The following ADAM18 variants were observed in gnomAD, a reference collection of about 807,000 sequenced individuals.
The protein encoded by ADAM18 is disintegrin and metalloproteinase domain-containing protein 18.
A neutral mutation model predicts 94.4 loss-of-function variants in ADAM18; 117 were observed. The ratio of observed to expected loss-of-function variants is 1.24; its 90% confidence interval spans 1.07 to 1.45. ADAM18 has a LOEUF of 1.45. Ranked by LOEUF, ADAM18 falls within the 40% of genes most tolerant of loss-of-function variation. The probability of loss-of-function intolerance (pLI) is 0.00; values close to 1 mark genes in which losing one functional copy is unlikely to be tolerated. For synonymous variants in ADAM18, 327 were observed against 291.6 expected, an observed-to-expected ratio of 1.12 and a Z score of -1.24; for missense variants, 936 against 880.0, an observed-to-expected ratio of 1.06 and a Z score of -0.81.
At chr8:39,592,753 C>G (rs1372057117) in intron 2 of ADAM18, among the ~76,000 whole-genome samples, 2 of 152,152 alleles carry the variant, frequency 1.3e-5, no homozygotes, top group African/African-American at 4.8e-5. Context: ...GATGGGTACA[C>G]TAGAAGCCCA....
At chr8:39,719,294 A>T (rs1342270732) in intron 18 of ADAM18, among the ~76,000 whole-genome samples, 1 of 151,444 alleles carries the variant, frequency 6.6e-6, no homozygotes, top group African/African-American at 2.4e-5. Flanking sequence ...TGTAAAAAAG[A>T]TAAACTTAGA....
intron 14 of ADAM18, among the ~76,000 whole-genome samples, chr8:39,675,665 T>C (rs1328889363): frequency 6.6e-6 from 1 of 152,236 alleles, no homozygotes; most frequent in Non-Finnish European, 1.5e-5. Flanking sequence ...TTTGTTCCGT[T>C]GCTGGCGAGG....
rs771066100 is a variant in ADAM18 at position 39,637,300 on chromosome 8, C to CA, written c.631dup (p.Ile211AsnfsTer30). On this transcript the variant is annotated frameshift_variant, in exon 8 of 20. Coordinates refer to ENST00000265707, the MANE Select transcript of ADAM18 (RefSeq NM_014237.3). LOFTEE classifies it high-confidence loss of function. Reference sequence around the variant, plus strand: ...GGGATCTGAAATGATGGCTGTAACACAAAAAATTGTCCAGGTTATTGGGCT... The same window carrying CA: ...GGGATCTGAAATGATGGCTGTAACACAAAAAAATTGTCCAGGTTATTGGGCT... 10 of 1,606,016 alleles carry CA rather than the reference C, an allele frequency of 6.2e-6. No homozygotes were observed. Among genetic ancestry groups the CA allele is most frequent in the Non-Finnish European group, 6.8e-6 (8 of 1,176,084 alleles).
intron 10 of ADAM18, among the ~76,000 whole-genome samples, chr8:39,641,100 A>G (rs562635477): frequency 6.6e-6 from 1 of 152,198 alleles, no homozygotes; most frequent in South Asian, 2.1e-4. Context: ...TATGTCCCAA[A>G]TGGTACTGCA....
intron 4 of ADAM18, among the ~76,000 whole-genome samples, 182 bp from the exon 5 acceptor site, chr8:39,609,303 C>T (rs886543252): frequency 1.2e-4 from 18 of 152,074 alleles, no homozygotes; most frequent in African/African-American, 4.1e-4. Flanking sequence ...CAGGGACTCT[C>T]TTGTGCCTGT....
chr8:39,712,025 A>G (rs1363977479), intron 18 of ADAM18, among the ~76,000 whole-genome samples: 2 of 136,052 alleles, frequency 1.5e-5, no homozygotes, highest in Non-Finnish European at 3.1e-5. Flanking sequence ...AACTAAAATC[A>G]GAGAAGGCCC....
At chr8:39,638,590 T>C in intron 10 of ADAM18, 44 bp downstream of exon 10, 2 of 1,188,102 alleles carry the variant, frequency 1.7e-6, no homozygotes, top group Non-Finnish European at 2.3e-6. Context: ...TTTTAGGCCT[T>C]ATATTATATT....
chr8:39,667,998 T>G lies in ADAM18; in HGVS notation c.1327T>G (p.Leu443Val), dbSNP rs369534486. 13 of 1,613,386 alleles carry G rather than the reference T, an allele frequency of 8.1e-6. No homozygotes were observed. Among genetic ancestry groups the G allele is most frequent in the Non-Finnish European group, 1.1e-5 (13 of 1,179,656 alleles). Residue 443 changes from leucine (L) to valine (V), a missense_variant and splice_region_variant, in exon 14 of 20, where the codon TTG (leucine) becomes GTG (valine). Transcript: ENST00000265707. ...SGPCCTSKCE[L>V]SIAGTPCRKS... Reference sequence around the variant, plus strand: ...ATTTTATTTTTCCTTTTCCTCCCAGTTGTCAATAGCAGGCACTCCATGTAG... The same window carrying G: ...ATTTTATTTTTCCTTTTCCTCCCAGGTGTCAATAGCAGGCACTCCATGTAG...
intron 12 of ADAM18, among the ~76,000 whole-genome samples, chr8:39,660,381 T>C (rs1419097818): frequency 6.6e-6 from 1 of 152,138 alleles, no homozygotes; most frequent in African/African-American, 2.4e-5. Context: ...AGGACCCACA[T>C]AGGCTGAAAG....
intron 7 of ADAM18, among the ~76,000 whole-genome samples, chr8:39,631,374 G>A (rs1158695105): frequency 1.3e-5 from 2 of 151,636 alleles, no homozygotes; most frequent in Non-Finnish European, 2.9e-5. Context: ...CAATGTGTAC[G>A]CTGTGAGGCA....
intron 12 of ADAM18, among the ~76,000 whole-genome samples, chr8:39,658,895 C>CTTTTCTTATTTGAGT (rs1820758096): frequency 6.6e-6 from 1 of 152,124 alleles, no homozygotes; most frequent in Non-Finnish European, 1.5e-5. Flanking sequence ...GCTATTACAA[C>CTTTTCTTATTTGAGT]TTTTCTTATT....
chr8:39,690,859 C>T (rs1349547), intron 16 of ADAM18, among the ~76,000 whole-genome samples: 57,489 of 151,950 alleles, frequency 0.38, 12,929 homozygotes, highest in East Asian at 0.75. Context: ...TCTGGGTATA[C>T]GCTCAAAGGA....
chr8:39,608,613 C>T (rs1819163898), intron 3 of ADAM18, among the ~76,000 whole-genome samples: 1 of 152,144 alleles, frequency 6.6e-6, no homozygotes, highest in East Asian at 1.9e-4. Context: ...CCATGCCACC[C>T]TATCTACATT....
chr8:39,613,072 T>C (rs1411631856), intron 6 of ADAM18, among the ~76,000 whole-genome samples: 1 of 152,098 alleles, frequency 6.6e-6, no homozygotes, highest in Non-Finnish European at 1.5e-5. Context: ...GCTGCTGCCA[T>C]GCATGCATGC....
intron 6 of ADAM18, among the ~76,000 whole-genome samples, chr8:39,612,872 T>G (rs1193703736): frequency 1.3e-5 from 2 of 152,104 alleles, no homozygotes; most frequent in African/African-American, 2.4e-5. Context: ...ATGCATGTGC[T>G]AATAGCCTCC....
intron 12 of ADAM18, among the ~76,000 whole-genome samples, chr8:39,650,083 T>G (rs1209135727): frequency 6.6e-6 from 1 of 152,170 alleles, no homozygotes; most frequent in Non-Finnish European, 1.5e-5. Flanking sequence ...AAAAGGGAAT[T>G]TATTGAGTAA....
At chr8:39,629,853 G>A (rs1485218725) in intron 7 of ADAM18, among the ~76,000 whole-genome samples, 1 of 151,854 alleles carries the variant, frequency 6.6e-6, no homozygotes, top group Non-Finnish European at 1.5e-5. Context: ...CCAATTATGA[G>A]TAACAGCCCA....
In ADAM18 at chr8:39,606,326, T is replaced by G; in HGVS notation, c.152T>G (p.Ile51Ser). The G allele has an allele frequency of 6.4e-7, 1 of 1,562,832 alleles. No individual in the cohort carries two copies. The highest frequency in any genetic ancestry group is 8.7e-7 in the Non-Finnish European group (1 of 1,148,998). Residue 51 changes from isoleucine (I) to serine (S), a missense_variant, in exon 3 of 20, where the codon ATT becomes AGT. By Grantham distance (142) the Ile-to-Ser change is moderately radical. Transcript: ENST00000265707. ...TTTTAGATGATTTACATCATTACAA[T>G]TGATGGACAACCTTACACTCTACAT... ...SERKMIYIIT[I>S]DGQPYTLHLG...
intron 15 of ADAM18, 59 bp from the exon 16 acceptor site, chr8:39,679,978 T>C: frequency 6.5e-7 from 1 of 1,544,904 alleles, no homozygotes; most frequent in Non-Finnish European, 8.9e-7. Context: ...AGTACTCACT[T>C]GGAACTTGTT....
Sources: gnomAD v4.1 joint callset for allele counts (sites outside exome capture counted in the v4.1 genomes callset) on GRCh38, gnomAD v4.1.1 for gene constraint, MANE v1.5 for transcripts, NCBI Gene and HGNC (gene_info 2026-07-23, HGNC 2026-07-21) for gene names.